KDM4C: variants seen among roughly 807,000 people sequenced by gnomAD.
The protein encoded by KDM4C is lysine-specific demethylase 4C.
Under a neutral mutation model 129.3 loss-of-function variants are expected in KDM4C, and 81 were observed. The ratio of observed to expected loss-of-function variants is 0.63; its 90% CI spans 0.52 to 0.75. The LOEUF (loss-of-function observed/expected upper bound fraction) is 0.75. Among genes scored for constraint, KDM4C ranks in the 30% least tolerant of loss-of-function variants. The probability of loss-of-function intolerance (pLI) is 0.00; values close to 1 mark genes in which losing one functional copy is unlikely to be tolerated. For missense variants in KDM4C, 1,457 were observed against 1,304.0 expected (o/e 1.12, Z -1.81); for synonymous variants, 573 against 456.1 (o/e 1.26, Z -3.26).
At chr9:6,905,424 TG>T (rs974736233) in intron 8 of KDM4C, among the ~76,000 whole-genome samples, 1 of 152,182 alleles carries the variant, frequency 6.6e-6, no homozygotes, top group Non-Finnish European at 1.5e-5. Context: ...GCCATTAGTT[TG>T]GGGGAACATA....
intron 8 of KDM4C, among the ~76,000 whole-genome samples, chr9:6,979,560 C>T (rs932774288): frequency 4.6e-5 from 7 of 152,096 alleles, no homozygotes; most frequent in Non-Finnish European, 8.8e-5. Context: ...ATGCCAGGCT[C>T]ATAAATTTAG....
At chr9:6,722,518 T>TA (rs750044195) in intron 1 of KDM4C, among the ~76,000 whole-genome samples, 1,286 of 89,806 alleles carry the variant, frequency 0.014, 9 homozygotes, top group African/African-American at 0.032. Flanking sequence ...TGTCTATATA[T>TA]TTTTTTTTTT....
chr9:6,980,668 C>T (rs1455895029), intron 8 of KDM4C, among the ~76,000 whole-genome samples: 1 of 152,064 alleles, frequency 6.6e-6, no homozygotes, highest in East Asian at 1.9e-4. Context: ...GCACTCTTTC[C>T]TTTTAGTTTT....
intron 17 of KDM4C, among the ~76,000 whole-genome samples, chr9:7,052,522 CTAATTCACA>C (rs1006464449): frequency 2.3e-4 from 35 of 152,278 alleles, no homozygotes; most frequent in Admixed American, 1.8e-3. Flanking sequence ...TGTAACAGAT[CTAATTCACA>C]CACATGTCTG....
At chr9:7,131,722 T>G (rs1840662695) in intron 19 of KDM4C, among the ~76,000 whole-genome samples, 1 of 152,184 alleles carries the variant, frequency 6.6e-6, no homozygotes, top group African/African-American at 2.4e-5. Context: ...ATGGGTACCC[T>G]GCTCAGTACC....
At position 7,020,709 on chromosome 9, in the gene KDM4C, A is replaced by G. The variant is rs537951418; in HGVS notation, c.2259+4780A>G. 1.4e-4 allele frequency among the ~76,000 whole-genome samples: 21 copies of G among 152,228 alleles called. No homozygotes were observed. In the East Asian group the frequency reaches 3.9e-3, roughly 28 times the overall value. On this transcript the variant is annotated intron_variant, in intron 15 of 21. Coordinates refer to ENST00000381309, the MANE Select transcript of KDM4C (RefSeq NM_015061.6). ...TGGTATGTTGTAAGTGTATATATTT[A>G]TGGGTTACATGAGATACTTTGATAC...
chr9:6,807,797 G>C (rs1259604100), intron 3 of KDM4C, among the ~76,000 whole-genome samples: 1 of 148,198 alleles, frequency 6.7e-6, no homozygotes, highest in Non-Finnish European at 1.5e-5. Context: ...AGGTGGGGGG[G>C]GGGTCAGCCC....
intron 15 of KDM4C, among the ~76,000 whole-genome samples, chr9:7,045,872 C>T (rs1829318199): frequency 6.6e-6 from 1 of 151,928 alleles, no homozygotes; most frequent in Non-Finnish European, 1.5e-5. Flanking sequence ...AGTTTCACAC[C>T]TCATTAATAG....
intron 4 of KDM4C, among the ~76,000 whole-genome samples, chr9:6,829,660 C>T (rs139534434): frequency 5.3e-5 from 8 of 152,296 alleles, no homozygotes; most frequent in African/African-American, 1.9e-4. Flanking sequence ...TTCAGACAGT[C>T]ACCAGGAAGG....
At chr9:6,946,298 TATTA>T (rs1179799609) in intron 8 of KDM4C, among the ~76,000 whole-genome samples, 3 of 152,154 alleles carry the variant, frequency 2.0e-5, no homozygotes, top group Non-Finnish European at 4.4e-5. Flanking sequence ...TTTTATTTTT[TATTA>T]ATTATATAGA....
In KDM4C at chr9:6,829,112, G is replaced by C. The variant is rs1013543333; in HGVS notation, c.435+14367G>C. On this transcript the variant is annotated intron_variant, in intron 4 of 21. Coordinates refer to ENST00000381309, the MANE Select transcript of KDM4C (RefSeq NM_015061.6). The stretch of plus-strand genomic sequence containing the variant: ...GCAAGGAGCTTACTGGTTAGCTTGA[G>C]AGTCATGAATGGTTTCCCTGAGGGA... 7.9e-5 allele frequency among the ~76,000 whole-genome samples: 12 copies of C among 152,350 alleles called. No homozygotes were observed. The East Asian group carries it at 1.2e-3, about 15-fold the overall frequency.
At chr9:6,854,422 G>C (rs1437150238) in intron 5 of KDM4C, among the ~76,000 whole-genome samples, 2 of 149,466 alleles carry the variant, frequency 1.3e-5, no homozygotes, top group Non-Finnish European at 3.0e-5. Context: ...CTACTCGGGA[G>C]ACTGAGGAAG....
At chr9:6,948,311 A>G (rs1325359745) in intron 8 of KDM4C, 6 of 152,240 alleles carry the variant, frequency 3.9e-5, no homozygotes, top group African/African-American at 1.4e-4. Context: ...TTAGTTTCAA[A>G]TAACTCTTAA....
intron 4 of KDM4C, among the ~76,000 whole-genome samples, chr9:6,827,891 A>G (rs1834150069): frequency 1.3e-5 from 2 of 152,226 alleles, no homozygotes; most frequent in South Asian, 4.1e-4. Flanking sequence ...GAAGCAGGTC[A>G]GCTTGCATGA....
Position 6,729,768 on chromosome 9 carries a change from G to A in KDM4C, c.49+8771G>A, listed in dbSNP as rs182497481. 2.4e-3 allele frequency among the ~76,000 whole-genome samples: 323 copies of A among 134,016 alleles called. 67 individuals are homozygous for A. The Admixed American group carries it at 0.026, about 11-fold the overall frequency. 87.9% of individuals were successfully genotyped at this position (134,016 alleles called of 152,430 possible). On this transcript the variant is annotated intron_variant, in intron 1 of 17. Transcript: ENST00000536108. Reference sequence around the variant, plus strand: ...TCCAGCCAGATGTGCATATTTCTGAGTGGGTCACTTTGGGCCTAAATACTG... The same window carrying A: ...TCCAGCCAGATGTGCATATTTCTGAATGGGTCACTTTGGGCCTAAATACTG...
At chr9:6,967,700 T>C (rs1428581204) in intron 8 of KDM4C, among the ~76,000 whole-genome samples, 1 of 152,190 alleles carries the variant, frequency 6.6e-6, no homozygotes, top group Non-Finnish European at 1.5e-5. Flanking sequence ...ATAATCTCTG[T>C]AAGTTTTCTC....
At chr9:7,030,006 A>G (rs562775944) in intron 15 of KDM4C, among the ~76,000 whole-genome samples, 2 of 152,162 alleles carry the variant, frequency 1.3e-5, no homozygotes, top group Non-Finnish European at 2.9e-5. Flanking sequence ...GGCAGGGTAA[A>G]TACAGTAGCC....
chr9:7,041,302 G>A (rs2132474266), intron 15 of KDM4C, among the ~76,000 whole-genome samples: 1 of 152,010 alleles, frequency 6.6e-6, no homozygotes, highest in Admixed American at 6.6e-5. Flanking sequence ...AAGTATACAG[G>A]AGGATATGCA....
At chr9:6,959,502 C>T (rs1179524371) in intron 8 of KDM4C, among the ~76,000 whole-genome samples, 1 of 152,172 alleles carries the variant, frequency 6.6e-6, no homozygotes, top group Admixed American at 6.5e-5. Flanking sequence ...ATAGTGCCAC[C>T]TGATACACAG....
Sources: gnomAD v4.1 joint callset for allele counts (sites outside exome capture counted in the v4.1 genomes callset) on GRCh38, gnomAD v4.1.1 for gene constraint, MANE v1.5 for transcripts, NCBI Gene and HGNC (gene_info 2026-07-23, HGNC 2026-07-21) for gene names.